GNB5: variants seen among roughly 807,000 people sequenced by gnomAD.
The protein encoded by GNB5 is guanine nucleotide-binding protein subunit beta-5.
In GNB5, 37 loss-of-function variants were observed where a neutral mutation model predicts 55.3. The observed-to-expected ratio is 0.67, with a 90% CI of 0.51 to 0.88. GNB5 has a LOEUF of 0.88. Ranked by LOEUF, GNB5 falls within the 40% of genes least tolerant of loss-of-function variation. The pLI is 0.00. For synonymous variants in GNB5, 219 were observed against 198.5 expected (o/e 1.10, Z -0.87); for missense variants, 476 against 515.3 (o/e 0.92, Z 0.74).
chr15:52,158,687 C>A (rs181916662), intron 3 of GNB5, among the ~76,000 whole-genome samples: 4 of 151,900 alleles, frequency 2.6e-5, no homozygotes, highest in Non-Finnish European at 5.9e-5. Flanking sequence ...TCTTTTCCCC[C>A]TCCTGGCCCT....
intron 3 of GNB5, among the ~76,000 whole-genome samples, chr15:52,154,902 A>C (rs1437767229): frequency 2.0e-5 from 3 of 152,262 alleles, no homozygotes; most frequent in Non-Finnish European, 2.9e-5. Flanking sequence ...CTGGGACCAC[A>C]GCTTCTTTCC....
At position 52,117,102 on chromosome 15, in the gene GNB5, A is replaced by ATATTTTTTTTTTTTTTTTTTTTTTTT; in HGVS notation, c.*5654_*5655insAAAAAAAAAAAAAAAAAAAAAAAATA. On this transcript the variant is annotated 3_prime_UTR_variant, in exon 13 of 13. Transcript: ENST00000261837. Reference sequence around the variant, plus strand: ...CCACGCCCAGCTAATATATATATATATTTTTTTTTAGTACAGACAGGGTTT... The same window carrying ATATTTTTTTTTTTTTTTTTTTTTTTT: ...CCACGCCCAGCTAATATATATATATATATTTTTTTTTTTTTTTTTTTTTTTTTTTTTTTTTAGTACAGACAGGGTTT... The ATATTTTTTTTTTTTTTTTTTTTTTTT allele has an allele frequency of 2.3e-5, 2 of 87,098 alleles. No homozygotes were observed. Among genetic ancestry groups the ATATTTTTTTTTTTTTTTTTTTTTTTT allele is most frequent in the African/African-American group, 6.1e-5 (1 of 16,420 alleles). The allele number at this position is 87,098 out of a possible 1,614,324, so 5.4% of individuals were successfully genotyped here.
At chr15:52,123,020 T>C (rs1380429732) in intron 12 of GNB5, among the ~76,000 whole-genome samples, 1 of 148,958 alleles carries the variant, frequency 6.7e-6, no homozygotes, top group Non-Finnish European at 1.5e-5. Flanking sequence ...CCTTAGTTAA[T>C]TGTCTGTGGG....
chr15:52,130,597 C>T (rs1271020416), intron 9 of GNB5, among the ~76,000 whole-genome samples: 1 of 152,180 alleles, frequency 6.6e-6, no homozygotes, highest in Non-Finnish European at 1.5e-5. Context: ...TGGTTACCAC[C>T]ATAACATTTT....
At chr15:52,142,020 T>C (rs779673614) in intron 6 of GNB5, among the ~76,000 whole-genome samples, 2 of 152,258 alleles carry the variant, frequency 1.3e-5, no homozygotes, top group Non-Finnish European at 2.9e-5. Context: ...TGGCTGTTTA[T>C]AGAATGTCGC....
chr15:52,182,724 A>T (rs1349676183), intron 2 of GNB5, among the ~76,000 whole-genome samples: 1 of 152,202 alleles, frequency 6.6e-6, no homozygotes, highest in East Asian at 1.9e-4. Context: ...CAGTCACTGG[A>T]TGTCTCTTCA....
rs547775497 is a variant in GNB5, at chr15:52,126,296, G to C, written c.913-252C>G. 3.9e-5 allele frequency among the ~76,000 whole-genome samples: 6 copies of C among 152,080 alleles called. No individual in the cohort carries two copies. In the South Asian group the frequency reaches 8.3e-4, roughly 21 times the overall value. On this transcript the variant is annotated intron_variant, in intron 10 of 12. Transcript: ENST00000261837. ...ACGGCAAATACAGCAAATTTCTTCA[G>C]GTATAAAAACAAAATGAGACCCCAC...
chr15:52,142,548 T>G (rs2033879814), intron 6 of GNB5, among the ~76,000 whole-genome samples: 1 of 149,696 alleles, frequency 6.7e-6, no homozygotes, highest in Non-Finnish European at 1.5e-5. Flanking sequence ...TGGGGCCTCT[T>G]CAAGCCAGCT....
At chr15:52,153,560 A>G (rs1331769538) in intron 4 of GNB5, among the ~76,000 whole-genome samples, 1 of 152,268 alleles carries the variant, frequency 6.6e-6, no homozygotes, top group Non-Finnish European at 1.5e-5. Flanking sequence ...GTATCTTAAC[A>G]TTGTTCTTTA....
chr15:52,142,427 A>G (rs4480744), intron 6 of GNB5, among the ~76,000 whole-genome samples: 54,845 of 151,954 alleles, frequency 0.36, 10,259 homozygotes, highest in East Asian at 0.44. Flanking sequence ...CTGTAATGAA[A>G]AATCCTCCTT....
At chr15:52,163,137 C>T (rs1485628560) in intron 3 of GNB5, among the ~76,000 whole-genome samples, 2 of 152,180 alleles carry the variant, frequency 1.3e-5, no homozygotes, top group South Asian at 4.1e-4. Flanking sequence ...TGAGACCACG[C>T]CCGGGAAACC....
At chr15:52,180,811 T>C (rs191048235) in intron 2 of GNB5, 101 of 152,392 alleles carry the variant, frequency 6.6e-4, no homozygotes, top group African/African-American at 2.4e-3. Context: ...TAATTTGCAC[T>C]TGTTTAATCC....
intron 6 of GNB5, 65 bp from the exon 7 acceptor site, chr15:52,141,337 C>T (rs1278797401): frequency 7.9e-6 from 11 of 1,398,192 alleles, no homozygotes; most frequent in Non-Finnish European, 1.1e-5. Flanking sequence ...TCTACTTTTC[C>T]AATCACATGA....
At chr15:52,174,551 A>C (rs2034613310) in intron 3 of GNB5, among the ~76,000 whole-genome samples, 1 of 152,140 alleles carries the variant, frequency 6.6e-6, no homozygotes, top group Non-Finnish European at 1.5e-5. Flanking sequence ...TCCTATATTT[A>C]ATGTTGGCCA....
intron 9 of GNB5, among the ~76,000 whole-genome samples, chr15:52,131,471 T>C (rs1248382370): frequency 6.6e-6 from 1 of 152,200 alleles, no homozygotes; most frequent in African/African-American, 2.4e-5. Flanking sequence ...TATGTAGGAT[T>C]CTGGTATCTG....
chr15:52,129,326 A>G (rs1400820913), intron 9 of GNB5, among the ~76,000 whole-genome samples: 3 of 152,162 alleles, frequency 2.0e-5, no homozygotes, highest in African/African-American at 4.8e-5. Context: ...GAGTCCTTTT[A>G]AAACATTATT....
chr15:52,135,683 T>A lies in GNB5; in HGVS notation c.701A>T (p.His234Leu), dbSNP rs2141193761. Residue 234 changes from histidine to leucine, a missense_variant, in exon 8 of 13, where the codon CAC becomes CTC. Transcript: ENST00000261837. ...GCAGAGGACGTCAGCCCCATGTCCG[T>A]GGAAGCTCTGCAGCAGCTGCCCGCT... is the stretch of plus-strand genomic sequence containing the variant. ...VESGQLLQSF[H>L]GHGADVLCLD... The A allele has an allele frequency of 6.2e-7, 1 of 1,613,212 alleles. No homozygotes were observed. Among genetic ancestry groups the A allele is most frequent in the Non-Finnish European group, 8.5e-7 (1 of 1,179,720 alleles).
chr15:52,168,936 G>A (rs1249505981), intron 3 of GNB5, among the ~76,000 whole-genome samples: 1 of 152,138 alleles, frequency 6.6e-6, no homozygotes, highest in African/African-American at 2.4e-5. Flanking sequence ...ACTGAAACTG[G>A]ACCCCTTCCT....
At chr15:52,129,858 A>T (rs547102694) in intron 9 of GNB5, among the ~76,000 whole-genome samples, 1 of 152,350 alleles carries the variant, frequency 6.6e-6, no homozygotes, top group African/African-American at 2.4e-5. Context: ...CTTACAATGA[A>T]GAAATGTCCT....
Sources: allele counts gnomAD v4.1 joint callset (sites outside exome capture counted in the v4.1 genomes callset), GRCh38; gene constraint gnomAD v4.1.1; transcripts MANE v1.5; gene names NCBI Gene and HGNC (gene_info 2026-07-23, HGNC 2026-07-21).